CCDC148: variants seen among roughly 807,000 people sequenced by gnomAD.
CCDC148 encodes the protein coiled-coil domain-containing protein 148.
CCDC148 carries 89 observed loss-of-function variants against 85.7 expected under a neutral mutation model. The observed-to-expected ratio is 1.04, with a 90% CI of 0.87 to 1.24. The LOEUF (loss-of-function observed/expected upper bound fraction) is 1.24. Ranked by LOEUF, CCDC148 falls within the 50% of genes most tolerant of loss-of-function variation. The pLI is 0.00. For missense variants in CCDC148, 692 were observed against 671.7 expected (o/e 1.03, Z -0.33); for synonymous variants, 230 against 213.9 (o/e 1.08, Z -0.66).
chr2:158,398,654 A>G (rs1187329757), intron 1 of CCDC148, among the ~76,000 whole-genome samples: 3 of 151,802 alleles, frequency 2.0e-5, no homozygotes, highest in Non-Finnish European at 4.4e-5. Context: ...TTATAGCACT[A>G]AAAGCCAAGA....
At chr2:158,430,360 T>C (rs2105331792) in intron 1 of CCDC148, among the ~76,000 whole-genome samples, 1 of 152,220 alleles carries the variant, frequency 6.6e-6, no homozygotes, top group East Asian at 1.9e-4. Context: ...CAAAAACTAA[T>C]TTTTTTAAAA....
chr2:158,322,478 T>C (rs1692567127), intron 7 of CCDC148, among the ~76,000 whole-genome samples: 1 of 151,986 alleles, frequency 6.6e-6, no homozygotes, highest in Non-Finnish European at 1.5e-5. Flanking sequence ...ATAAACAACA[T>C]TCATACATCT....
intron 11 of CCDC148, among the ~76,000 whole-genome samples, chr2:158,190,225 T>A (rs1685356441): frequency 6.6e-6 from 1 of 151,918 alleles, no homozygotes; most frequent in South Asian, 2.1e-4. Context: ...GATACAGACT[T>A]GCTAGGATCA....
Position 158,338,744 on chromosome 2 carries a change from T to G in CCDC148, c.746A>C (p.Gln249Pro), listed in dbSNP as rs142481955. 3 of 1,607,044 alleles carry G rather than the reference T, an allele frequency of 1.9e-6. No homozygotes were observed. The highest frequency in any genetic ancestry group is 2.5e-6 in the Non-Finnish European group (3 of 1,178,234). The change falls in exon 7 of 14, where the codon CAG becomes CCG. Residue 249 changes from glutamine to proline, a missense_variant. Coordinates refer to ENST00000283233, the MANE Select transcript of CCDC148 (RefSeq NM_138803.4). ...YQKKLQDFNL[Q>P]LEDIYRNCQL... ...TTATCACCTGTATATGTCTTCCAACTGCAGATTAAAGTCTTGAAGCTTCTT... is the reference window on the plus strand; with the variant it reads ...TTATCACCTGTATATGTCTTCCAACGGCAGATTAAAGTCTTGAAGCTTCTT...
intron 1 of CCDC148, among the ~76,000 whole-genome samples, chr2:158,361,533 G>A (rs962134527): frequency 2.6e-5 from 4 of 152,130 alleles, no homozygotes; most frequent in African/African-American, 9.7e-5. Context: ...CATTCTTAAA[G>A]AAAAGAATTT....
At chr2:158,176,150 AATT>A (rs1684571398) in intron 13 of CCDC148, among the ~76,000 whole-genome samples, 1 of 151,864 alleles carries the variant, frequency 6.6e-6, no homozygotes, top group Admixed American at 6.6e-5. Flanking sequence ...TTATTAATAT[AATT>A]TATATTATGA....
At chr2:158,428,255 A>T (rs553599375) in intron 1 of CCDC148, among the ~76,000 whole-genome samples, 4 of 152,158 alleles carry the variant, frequency 2.6e-5, no homozygotes, top group Non-Finnish European at 4.4e-5. Flanking sequence ...ATGGGGTCAA[A>T]AGACTTAAGA....
At chr2:158,180,888 T>C (rs1382754665) in intron 11 of CCDC148, among the ~76,000 whole-genome samples, 1 of 152,126 alleles carries the variant, frequency 6.6e-6, no homozygotes. Flanking sequence ...ATGAGTGTTC[T>C]TGCCAAAATC....
At chr2:158,185,074 GCA>G (rs2105267231) in intron 11 of CCDC148, among the ~76,000 whole-genome samples, 1 of 152,272 alleles carries the variant, frequency 6.6e-6, no homozygotes, top group South Asian at 2.1e-4. Context: ...GCTAAACATT[GCA>G]GTTATATGCC....
At chr2:158,194,929 T>C (rs539087557) in intron 11 of CCDC148, among the ~76,000 whole-genome samples, 104 of 152,030 alleles carry the variant, frequency 6.8e-4, no homozygotes, top group African/African-American at 2.4e-3. Flanking sequence ...CACAAGCCCC[T>C]GATAATTGTG....
chr2:158,292,301 C>T (rs953463875), intron 9 of CCDC148, among the ~76,000 whole-genome samples: 1 of 152,112 alleles, frequency 6.6e-6, no homozygotes, highest in East Asian at 1.9e-4. Flanking sequence ...TTATAATCAG[C>T]TTGGCAAGGA....
Position 158,173,689 on chromosome 2 carries a change from A to G in CCDC148, c.1630-1430T>C, listed in dbSNP as rs1574332563. Among the ~76,000 whole-genome samples, 4 of 152,114 alleles carry G rather than the reference A, an allele frequency of 2.6e-5. No individual in the cohort carries two copies. The South Asian group carries it at 8.3e-4, about 32-fold the overall frequency. On this transcript the variant is annotated intron_variant, in intron 13 of 13. Transcript: ENST00000283233. ...CAACGATGAGTATGAAGTCAAGAAT[A>G]ATACAGAGATTTGTGTCTGAGAAGC...
At chr2:158,261,898 C>A (rs772151583) in intron 9 of CCDC148, among the ~76,000 whole-genome samples, 5 of 151,814 alleles carry the variant, frequency 3.3e-5, no homozygotes, top group Non-Finnish European at 7.4e-5. Context: ...AAAAGAGAAC[C>A]CTTAAACACT....
intron 10 of CCDC148, among the ~76,000 whole-genome samples, chr2:158,245,700 A>G (rs951613204): frequency 1.3e-5 from 2 of 152,176 alleles, no homozygotes; most frequent in Non-Finnish European, 2.9e-5. Flanking sequence ...TTTAAGCTAG[A>G]CAAAGAGCCA....
At chr2:158,337,105 G>A (rs189319768) in intron 7 of CCDC148, among the ~76,000 whole-genome samples, 1 of 152,266 alleles carries the variant, frequency 6.6e-6, no homozygotes, top group Admixed American at 6.6e-5. Flanking sequence ...CAGAAATTGA[G>A]TTTAGTTAAA....
chr2:158,181,352 A>G (rs947263394), intron 11 of CCDC148, among the ~76,000 whole-genome samples: 2 of 152,164 alleles, frequency 1.3e-5, no homozygotes, highest in African/African-American at 4.8e-5. Context: ...TTATTCATTT[A>G]TTTAACAGGT....
intron 10 of CCDC148, among the ~76,000 whole-genome samples, chr2:158,236,696 G>A (rs1688123828): frequency 1.3e-5 from 2 of 152,108 alleles, no homozygotes; most frequent in Non-Finnish European, 1.5e-5. Flanking sequence ...AACTTGCTAA[G>A]GTCACCGCTC....
intron 7 of CCDC148, among the ~76,000 whole-genome samples, chr2:158,329,371 C>T (rs577882632): frequency 4.6e-5 from 7 of 152,190 alleles, no homozygotes; most frequent in African/African-American, 9.6e-5. Flanking sequence ...TCCATTGATG[C>T]ATATCTCTGT....
chr2:158,328,754 C>G (rs1367163131), intron 7 of CCDC148, among the ~76,000 whole-genome samples: 1 of 152,214 alleles, frequency 6.6e-6, no homozygotes, highest in African/African-American at 2.4e-5. Flanking sequence ...TTGCATTTCT[C>G]TGATGGCCAG....
Sources: allele counts gnomAD v4.1 joint callset (sites outside exome capture counted in the v4.1 genomes callset), GRCh38; gene constraint gnomAD v4.1.1; transcripts MANE v1.5; gene names NCBI Gene and HGNC (gene_info 2026-07-23, HGNC 2026-07-21).